Variants in CTNNA3 observed in about 807,000 individuals in gnomAD.
The protein encoded by CTNNA3 is catenin alpha 3, also known as catenin alpha-3.
Under a neutral mutation model 95.7 loss-of-function variants are expected in CTNNA3, and 76 were observed. The ratio of observed to expected loss-of-function variants is 0.79; its 90% CI spans 0.66 to 0.96. CTNNA3 has a LOEUF of 0.96. CTNNA3 is among the 40% of genes least tolerant of loss of function. The pLI, the probability that CTNNA3 is intolerant of heterozygous loss-of-function variation, is 0.00. For missense variants in CTNNA3, 1,191 were observed against 1,089.8 expected (o/e 1.09, Z -1.31); for synonymous variants, 431 against 374.4 (o/e 1.15, Z -1.74).
At chr10:66,081,072 C>T (rs1564624204) in intron 14 of CTNNA3, among the ~76,000 whole-genome samples, 1 of 152,140 alleles carries the variant, frequency 6.6e-6, no homozygotes, top group Non-Finnish European at 1.5e-5. Flanking sequence ...GAAGGAATCC[C>T]ATCAAGACAA....
chr10:66,333,382 C>T (rs1049522851), intron 12 of CTNNA3, among the ~76,000 whole-genome samples: 14 of 151,872 alleles, frequency 9.2e-5, no homozygotes, highest in African/African-American at 3.1e-4. Context: ...ATAAATTTCC[C>T]TCTACACACT....
chr10:66,351,813 C>T lies in CTNNA3; in HGVS notation c.1732+27339G>A, dbSNP rs12259651. Among the ~76,000 whole-genome samples, 474 of 151,932 alleles carry T rather than the reference C, an allele frequency of 3.1e-3. 3 individuals carry two copies. The highest frequency in any genetic ancestry group is 0.011 in the African/African-American group (460 of 41,482). ...TGTAATATTAAAGATCTCTCATATACAATTCTGCACAAAAAGAGGTCTGAA... is the reference window on the plus strand; with the variant it reads ...TGTAATATTAAAGATCTCTCATATATAATTCTGCACAAAAAGAGGTCTGAA... On this transcript the variant is annotated intron_variant, in intron 12 of 17. Transcript: ENST00000433211.
At chr10:66,388,078 A>C (rs2092907584) in intron 11 of CTNNA3, among the ~76,000 whole-genome samples, 1 of 152,322 alleles carries the variant, frequency 6.6e-6, no homozygotes, top group Non-Finnish European at 1.5e-5. Flanking sequence ...CATGTACCCT[A>C]GAAATTAAAG....
chr10:66,810,414 T>A (rs2132260883), intron 7 of CTNNA3, among the ~76,000 whole-genome samples: 2 of 152,232 alleles, frequency 1.3e-5, no homozygotes, highest in Middle Eastern at 3.4e-3. Flanking sequence ...TCATCTTAGA[T>A]CACTCTTTTT....
chr10:66,207,848 C>T (rs1054169293), intron 13 of CTNNA3, among the ~76,000 whole-genome samples: 1 of 151,928 alleles, frequency 6.6e-6, no homozygotes, highest in African/African-American at 2.4e-5. Context: ...AAAACCACTG[C>T]TTTTAAAGTA....
intron 15 of CTNNA3, among the ~76,000 whole-genome samples, chr10:66,046,185 G>A (rs893882777): frequency 3.3e-5 from 5 of 152,134 alleles, no homozygotes; most frequent in African/African-American, 7.2e-5. Flanking sequence ...CCCCCACCCA[G>A]AGAAGTGGTG....
At chr10:66,303,675 C>T (rs1483402920) in intron 12 of CTNNA3, among the ~76,000 whole-genome samples, 1 of 152,168 alleles carries the variant, frequency 6.6e-6, no homozygotes, top group Non-Finnish European at 1.5e-5. Context: ...CACTCTGTCA[C>T]CCAGGCTGTA....
At chr10:66,327,378 T>C (rs2092267063) in intron 12 of CTNNA3, among the ~76,000 whole-genome samples, 2 of 152,078 alleles carry the variant, frequency 1.3e-5, no homozygotes, top group African/African-American at 2.4e-5. Flanking sequence ...AAATTTACTT[T>C]CTTTTCTTAT....
chr10:66,629,530 T>C (rs1218530222), intron 9 of CTNNA3, among the ~76,000 whole-genome samples: 1 of 152,126 alleles, frequency 6.6e-6, no homozygotes, highest in East Asian at 1.9e-4. Flanking sequence ...ATTTTATTCT[T>C]GTTTCCAGTT....
Position 67,328,426 on chromosome 10 carries a change from T to G in CTNNA3, c.580-108556A>C, listed in dbSNP as rs546628747. ...AAGACCACCCTGCAGAGTTCAGGAC[T>G]GACAGTTCCCCTAGTCCTGCACCAA... On this transcript the variant is annotated intron_variant, in intron 5 of 17. Coordinates refer to ENST00000433211, the MANE Select transcript of CTNNA3 (RefSeq NM_013266.4). 2.2e-4 allele frequency among the ~76,000 whole-genome samples: 33 copies of G among 152,320 alleles called. No homozygotes were observed. The South Asian group carries it at 6.8e-3, about 32-fold the overall frequency.
chr10:66,680,610 C>T (rs1290171678), intron 9 of CTNNA3, among the ~76,000 whole-genome samples: 4 of 152,102 alleles, frequency 2.6e-5, no homozygotes, highest in Admixed American at 2.6e-4. Flanking sequence ...TCCACATCTG[C>T]CTTTCCACTA....
At chr10:67,550,413 G>A (rs1291384074) in intron 3 of CTNNA3, among the ~76,000 whole-genome samples, 1 of 152,018 alleles carries the variant, frequency 6.6e-6, no homozygotes, top group Non-Finnish European at 1.5e-5. Context: ...TACCTTGTTC[G>A]CTACCTTTCA....
chr10:66,114,300 G>A (rs917623124), intron 13 of CTNNA3, among the ~76,000 whole-genome samples: 6 of 152,016 alleles, frequency 3.9e-5, no homozygotes, highest in African/African-American at 4.8e-5. Context: ...AAGAGTTTCA[G>A]AGAATGTCTA....
chr10:67,761,292 G>A (rs889303229), intron 1 of CTNNA3, among the ~76,000 whole-genome samples: 1 of 152,120 alleles, frequency 6.6e-6, no homozygotes, highest in Admixed American at 6.5e-5. Context: ...CTATTCATGG[G>A]CCACGGTTTC....
At chr10:67,261,055 A>G (rs756841791) in intron 5 of CTNNA3, among the ~76,000 whole-genome samples, 31 of 152,284 alleles carry the variant, frequency 2.0e-4, no homozygotes, top group Non-Finnish European at 4.3e-4. Flanking sequence ...AGAAAGCCTC[A>G]GTGGTCATTC....
chr10:67,083,526 T>A (rs1457982623), intron 7 of CTNNA3, among the ~76,000 whole-genome samples: 1 of 152,232 alleles, frequency 6.6e-6, no homozygotes, highest in African/African-American at 2.4e-5. Flanking sequence ...TAACTACATT[T>A]GAGTTATATG....
At chr10:66,253,070 T>G (rs1373950745) in intron 13 of CTNNA3, among the ~76,000 whole-genome samples, 2 of 152,182 alleles carry the variant, frequency 1.3e-5, no homozygotes, top group African/African-American at 4.8e-5. Context: ...ATACTTTTTA[T>G]TCTGCTGTCT....
chr10:66,565,851 A>T (rs917295479), intron 10 of CTNNA3, among the ~76,000 whole-genome samples: 3 of 152,174 alleles, frequency 2.0e-5, no homozygotes, highest in Non-Finnish European at 4.4e-5. Flanking sequence ...TGGGCAGAAA[A>T]CATTAGGAGA....
At chr10:66,926,513 A>G in intron 7 of CTNNA3, 2 of 1,580,722 alleles carry the variant, frequency 1.3e-6, no homozygotes, top group Non-Finnish European at 8.7e-7. Flanking sequence ...TGCAGCTGAC[A>G]GGGGCTGTCA....
Sources: allele counts gnomAD v4.1 joint callset (sites outside exome capture counted in the v4.1 genomes callset), GRCh38; gene constraint gnomAD v4.1.1; transcripts MANE v1.5; gene names NCBI Gene and HGNC (gene_info 2026-07-23, HGNC 2026-07-21).